Variants in SAMD12 observed in about 807,000 individuals in gnomAD.
SAMD12 encodes the protein sterile alpha motif domain-containing protein 12.
Under a neutral mutation model 15.0 loss-of-function variants are expected in SAMD12, and 9 were observed. The observed-to-expected ratio is 0.60, with a 90% CI of 0.36 to 1.05. The LOEUF is 1.05. Ranked by LOEUF, SAMD12 falls within the 50% of genes least tolerant of loss-of-function variation. SAMD12 has a pLI of 0.01. For synonymous variants in SAMD12, 86 were observed against 90.1 expected (o/e 0.96, Z 0.25); for missense variants, 230 against 234.2 (o/e 0.98, Z 0.12).
chr8:118,406,325 G>A (rs1374210972), intron 3 of SAMD12, among the ~76,000 whole-genome samples: 1 of 151,994 alleles, frequency 6.6e-6, no homozygotes, highest in African/African-American at 2.4e-5. Context: ...CCAGGCTGGA[G>A]TGCAGTGGTG....
At chr8:118,178,139 A>T in the SAMD12 span, among the ~76,000 whole-genome samples, 1 of 152,254 alleles carries the variant, frequency 6.6e-6, no homozygotes, top group African/African-American at 2.4e-5. Flanking sequence ...ATAAGAACAA[A>T]TGGAAAATAA....
At position 118,599,397 on chromosome 8, in the gene SAMD12, C is replaced by T. The variant is rs543028350; in HGVS notation, c.14-18504G>A. ...GAATTTAACATTCTCTCACGTGCTC[C>T]GAGAACCAAGTGACAACCATGTGCA... is the stretch of plus-strand genomic sequence containing the variant. On this transcript the variant is annotated intron_variant, in intron 1 of 3. Transcript: ENST00000314727. Among the ~76,000 whole-genome samples, 21 of 152,264 alleles carry T rather than the reference C, an allele frequency of 1.4e-4. No individual in the cohort carries two copies. The South Asian group carries it at 3.5e-3, about 26-fold the overall frequency.
At chr8:118,215,926 T>G (rs374469363) in intron 4 of SAMD12, among the ~76,000 whole-genome samples, 1 of 150,824 alleles carries the variant, frequency 6.6e-6, no homozygotes, top group Non-Finnish European at 1.5e-5. Flanking sequence ...AATAAACATA[T>G]GTGTGCATGT....
chr8:118,492,698 C>T (rs1824486538), intron 2 of SAMD12, among the ~76,000 whole-genome samples: 1 of 152,094 alleles, frequency 6.6e-6, no homozygotes, highest in Non-Finnish European at 1.5e-5. Flanking sequence ...TCTTACCTAA[C>T]AAAAGCATGT....
At chr8:118,307,359 A>G (rs1348247545) in intron 4 of SAMD12, among the ~76,000 whole-genome samples, 1 of 152,190 alleles carries the variant, frequency 6.6e-6, no homozygotes, top group Non-Finnish European at 1.5e-5. Context: ...ATTTAGTTGG[A>G]TGCGGTGGGG....
At chr8:118,550,189 T>C (rs1014447443) in intron 2 of SAMD12, among the ~76,000 whole-genome samples, 1 of 152,076 alleles carries the variant, frequency 6.6e-6, no homozygotes, top group Admixed American at 6.6e-5. Flanking sequence ...GCCACAAAGA[T>C]ACTCCTTGAG....
In SAMD12 at chr8:118,621,867, C is replaced by G. The variant is rs371895982; in HGVS notation, c.-51G>C. 3 of 1,599,940 alleles carry G rather than the reference C, an allele frequency of 1.9e-6. No homozygotes were observed. The South Asian group carries it at 3.3e-5, about 18-fold the overall frequency. Reference sequence around the variant, plus strand: ...CATAATTTTCTTGGCCGAGGTACTCCTCCTGCCCCGCGCTCCCCCCTTCCT... The same window carrying G: ...CATAATTTTCTTGGCCGAGGTACTCGTCCTGCCCCGCGCTCCCCCCTTCCT... On this transcript the variant is annotated 5_prime_UTR_variant, in exon 1 of 4. Coordinates refer to ENST00000314727, the MANE Select transcript of SAMD12 (RefSeq NM_207506.3).
chr8:118,449,136 C>T (rs1164418805), intron 2 of SAMD12, among the ~76,000 whole-genome samples: 2 of 150,338 alleles, frequency 1.3e-5, no homozygotes, highest in Non-Finnish European at 2.9e-5. Context: ...GATCTCTGCT[C>T]ACTGCAACCA....
In SAMD12 at chr8:118,582,617, A is replaced by G. The variant is rs551053212; in HGVS notation, c.14-1724T>C. Among the ~76,000 whole-genome samples the G allele has an allele frequency of 4.6e-5, 7 of 152,284 alleles. No homozygotes were observed. The East Asian group carries it at 1.2e-3, about 25-fold the overall frequency. On this transcript the variant is annotated intron_variant, in intron 1 of 3. Transcript: ENST00000314727. ...CTTTTGGGCTTTGTTCTGAATCTCAAATGATCTTCATGAAAAACTCTGAGA... is the reference window on the plus strand; with the variant it reads ...CTTTTGGGCTTTGTTCTGAATCTCAGATGATCTTCATGAAAAACTCTGAGA...
chr8:118,544,721 T>C (rs1163989882), intron 2 of SAMD12, among the ~76,000 whole-genome samples: 3 of 152,192 alleles, frequency 2.0e-5, no homozygotes, highest in African/African-American at 7.2e-5. Flanking sequence ...CTTCATTCCC[T>C]GCTAACAACT....
chr8:118,139,922 C>T, the SAMD12 span, among the ~76,000 whole-genome samples: 1 of 152,174 alleles, frequency 6.6e-6, no homozygotes. Flanking sequence ...GTCATGGCTG[C>T]TTACAAAAAC....
intron 4 of SAMD12, among the ~76,000 whole-genome samples, chr8:118,228,543 A>G (rs1376523411): frequency 1.3e-5 from 2 of 152,242 alleles, no homozygotes; most frequent in Non-Finnish European, 2.9e-5. Context: ...AAAATGCTCA[A>G]CATTACTCAT....
intron 2 of SAMD12, among the ~76,000 whole-genome samples, chr8:118,445,832 T>C (rs1452399908): frequency 1.8e-4 from 28 of 152,200 alleles, no homozygotes; most frequent in Admixed American, 1.8e-3. Flanking sequence ...AGATAACTTT[T>C]CTGAACATAT....
chr8:118,433,016 A>T (rs1176820012), intron 3 of SAMD12, among the ~76,000 whole-genome samples: 1 of 152,242 alleles, frequency 6.6e-6, no homozygotes, highest in Non-Finnish European at 1.5e-5. Flanking sequence ...ACTACACAGT[A>T]GGGATGTTAG....
rs1410041746 is a variant in SAMD12, at chr8:118,370,146, AAAG to A, written c.433+9411_433+9413del. On this transcript the variant is annotated intron_variant, in intron 4 of 4. Transcript: ENST00000409003. ...AAAGGACATGAACAGACACTTCTCA[AAAG>A]AAGACATTTATGTGGCCAAAAAACA... is the stretch of plus-strand genomic sequence containing the variant. Among the ~76,000 whole-genome samples, 4 of 152,230 alleles carry A rather than the reference AAAG, an allele frequency of 2.6e-5. 1 individual carries two copies. The highest frequency in any genetic ancestry group is 9.6e-5 in the African/African-American group (4 of 41,472).
chr8:118,377,183 G>A (rs1819431348), downstream of SAMD12, among the ~76,000 whole-genome samples: 1 of 152,126 alleles, frequency 6.6e-6, no homozygotes, highest in African/African-American at 2.4e-5. Flanking sequence ...GATCACTTGA[G>A]TCCAGGATTT....
intron 2 of SAMD12, among the ~76,000 whole-genome samples, chr8:118,547,661 G>A (rs1282143181): frequency 1.3e-5 from 2 of 152,094 alleles, no homozygotes; most frequent in East Asian, 3.9e-4. Flanking sequence ...GGTAGGGTGA[G>A]AGCATACTGA....
chr8:118,250,826 A>G (rs1216747596), intron 4 of SAMD12, among the ~76,000 whole-genome samples: 1 of 152,088 alleles, frequency 6.6e-6, no homozygotes, highest in East Asian at 1.9e-4. Context: ...ATCAAAAGTC[A>G]GTCAACAAAT....
At chr8:118,531,347 T>G (rs1018792772) in intron 2 of SAMD12, among the ~76,000 whole-genome samples, 1 of 152,246 alleles carries the variant, frequency 6.6e-6, no homozygotes, top group Non-Finnish European at 1.5e-5. Context: ...TAGTATAGTT[T>G]GAAGTCAGGT....
Sources: gnomAD v4.1 joint callset for allele counts (sites outside exome capture counted in the v4.1 genomes callset) on GRCh38, gnomAD v4.1.1 for gene constraint, MANE v1.5 for transcripts, NCBI Gene and HGNC (gene_info 2026-07-23, HGNC 2026-07-21) for gene names.